LCOR: variants seen among roughly 807,000 people sequenced by gnomAD.
LCOR encodes ligand dependent nuclear receptor corepressor.
A neutral mutation model predicts 64.4 loss-of-function variants in LCOR; 14 were observed. The observed-to-expected ratio is 0.22, with a 90% CI of 0.14 to 0.34. The LOEUF (loss-of-function observed/expected upper bound fraction) is 0.34. Ranked by LOEUF, LCOR falls within the 10% of genes least tolerant of loss-of-function variation. The pLI is 1.00. For missense variants in LCOR, 1,686 were observed against 1,765.3 expected (o/e 0.96, Z 0.80); for synonymous variants, 643 against 642.5 (o/e 1.00, Z -0.01).
intron 4 of LCOR, among the ~76,000 whole-genome samples, chr10:96,942,141 G>T (rs1847498287): frequency 6.9e-6 from 1 of 144,402 alleles, no homozygotes; most frequent in Non-Finnish European, 1.5e-5. Flanking sequence ...TTGCACTCCA[G>T]CCTGGGCACC....
chr10:96,906,657 CT>C (rs149442985), intron 2 of LCOR, among the ~76,000 whole-genome samples: 3 of 151,668 alleles, frequency 2.0e-5, no homozygotes, highest in Non-Finnish European at 4.4e-5. Flanking sequence ...ATTTTTTTCT[CT>C]TTTTTTTGTA....
intron 4 of LCOR, among the ~76,000 whole-genome samples, chr10:96,939,928 G>A (rs1306661762): frequency 7.9e-5 from 12 of 152,170 alleles, no homozygotes; most frequent in Non-Finnish European, 1.2e-4. Flanking sequence ...ATGCCACTGC[G>A]CTCCAGCCTA....
At chr10:96,893,003 C>G (rs1355396046) in intron 2 of LCOR, among the ~76,000 whole-genome samples, 2 of 152,102 alleles carry the variant, frequency 1.3e-5, no homozygotes, top group Admixed American at 1.3e-4. Context: ...TTTGTTCAAG[C>G]CCTCCATGAC....
intron 2 of LCOR, among the ~76,000 whole-genome samples, chr10:96,864,626 A>G (rs1845940819): frequency 6.6e-6 from 1 of 152,238 alleles, no homozygotes; most frequent in African/African-American, 2.4e-5. Flanking sequence ...ATGTATGGTC[A>G]TGCACCTCAT....
intron 4 of LCOR, among the ~76,000 whole-genome samples, chr10:96,927,893 G>A (rs965606300): frequency 2.6e-5 from 4 of 152,162 alleles, no homozygotes; most frequent in African/African-American, 7.2e-5. Context: ...TGGTTTCCCA[G>A]TGCATATAAA....
At chr10:96,888,883 G>A (rs557471771) in intron 2 of LCOR, among the ~76,000 whole-genome samples, 3 of 152,272 alleles carry the variant, frequency 2.0e-5, no homozygotes, top group African/African-American at 7.2e-5. Context: ...ATGTTTTTTA[G>A]AGAATGTCAT....
chr10:96,965,943 A>G (rs890111666), intron 7 of LCOR, among the ~76,000 whole-genome samples: 1 of 152,080 alleles, frequency 6.6e-6, no homozygotes, highest in Non-Finnish European at 1.5e-5. Context: ...TTAGCATCTC[A>G]TAAATGAATT....
In LCOR at chr10:96,984,747, C is replaced by G. The variant is rs780473637; in HGVS notation, c.4287C>G (p.Thr1429=). 6.2e-7 allele frequency: 1 copy of G among 1,613,666 alleles called. No homozygotes were observed. Among genetic ancestry groups the G allele is most frequent in the Non-Finnish European group, 8.5e-7 (1 of 1,179,918 alleles). The change falls in exon 8 of 8, where the codon ACC becomes ACG. Residue 1429 remains threonine (T), a synonymous_variant. Transcript: ENST00000421806. ...AAGAAAAGCATGCTGATGGAGCCAC[C>G]AAAACCCCTGCTGCCAAGAGGCCAG... ...ASKEKHADGA[T]KTPAAKRPAA... is the part of the protein sequence containing the mutation.
intron 4 of LCOR, among the ~76,000 whole-genome samples, chr10:96,921,465 A>T (rs547773836): frequency 7.2e-5 from 11 of 151,990 alleles, no homozygotes; most frequent in South Asian, 6.2e-4. Context: ...ATTTAATTTT[A>T]ATTTTTATTT....
rs751228929 is a variant in LCOR at position 96,984,445 on chromosome 10, A to T, written c.3985A>T (p.Asn1329Tyr). 2.5e-6 allele frequency: 4 copies of T among 1,614,102 alleles called. No homozygotes were observed. The South Asian group carries it at 4.4e-5, about 18-fold the overall frequency. ...KLRAQQRLIK[N>Y]EKMECPDALA... is the part of the protein sequence containing the mutation. Reference sequence around the variant, plus strand: ...CAGAGCCCAGCAACGTTTAATCAAGAATGAGAAAATGGAATGCCCAGATGC... The same window carrying T: ...CAGAGCCCAGCAACGTTTAATCAAGTATGAGAAAATGGAATGCCCAGATGC... The change falls in exon 8 of 8, where the codon AAT (asparagine) becomes TAT (tyrosine). Residue 1329 changes from asparagine (N) to tyrosine (Y), a missense_variant. Asn to Tyr is a moderately radical substitution (Grantham distance 143). Around this residue, in one of 3 missense-constraint regions of LCOR, gnomAD observed 1,293 missense variants for 1,410.4 expected, o/e 0.92. Transcript: ENST00000421806.
intron 7 of LCOR, among the ~76,000 whole-genome samples, chr10:96,965,003 A>AT (rs1166494621): frequency 7.9e-5 from 12 of 151,990 alleles, no homozygotes; most frequent in African/African-American, 2.7e-4. Flanking sequence ...GTTGCTCAAC[A>AT]TTTAAAAAAA....
chr10:96,851,135 G>A (rs1025062149), intron 2 of LCOR, among the ~76,000 whole-genome samples: 1 of 152,148 alleles, frequency 6.6e-6, no homozygotes, highest in African/African-American at 2.4e-5. Context: ...TTTCTGATTG[G>A]TTTCACAAGC....
intron 2 of LCOR, among the ~76,000 whole-genome samples, chr10:96,835,783 G>A (rs1272850398): frequency 6.6e-6 from 1 of 152,098 alleles, no homozygotes; most frequent in Non-Finnish European, 1.5e-5. Flanking sequence ...CTTTTTTGGA[G>A]GGTGTGGGGG....
chr10:96,915,478 G>A lies in LCOR; in HGVS notation c.-184+7731G>A, dbSNP rs1374520395. On this transcript the variant is annotated intron_variant, in intron 4 of 7. Coordinates refer to ENST00000421806, the MANE Select transcript of LCOR (RefSeq NM_001346516.2). ...GGAGGTTGCAGTCAGCCGAGATTGC[G>A]CCACTGCACTCCAGCCTGGGGAGAG... is the stretch of plus-strand genomic sequence containing the variant. Among the ~76,000 whole-genome samples the A allele has an allele frequency of 6.6e-5, 10 of 152,164 alleles. No homozygotes were observed. The East Asian group carries it at 9.6e-4, about 15-fold the overall frequency.
intron 2 of LCOR, among the ~76,000 whole-genome samples, chr10:96,887,391 G>A (rs529311229): frequency 9.2e-4 from 140 of 151,998 alleles, no homozygotes; most frequent in African/African-American, 3.2e-3. Context: ...GTGAAACCCC[G>A]TCTCTACTAA....
At chr10:96,845,799 G>T (rs1246734690) in intron 2 of LCOR, among the ~76,000 whole-genome samples, 7 of 151,792 alleles carry the variant, frequency 4.6e-5, no homozygotes, top group Non-Finnish European at 1.0e-4. Context: ...GTAAAATACT[G>T]TAATTATGGG....
chr10:96,940,641 C>T (rs1365819854), intron 4 of LCOR, among the ~76,000 whole-genome samples: 1 of 108,656 alleles, frequency 9.2e-6, no homozygotes, highest in African/African-American at 3.6e-5. Flanking sequence ...GATAAGGTCA[C>T]AGATCAACAG....
At chr10:96,949,321 C>G (rs373150652) in intron 6 of LCOR, 26 bp downstream of exon 6, 16 of 1,606,306 alleles carry the variant, frequency 1.0e-5, no homozygotes, top group Non-Finnish European at 1.2e-5. Flanking sequence ...AAGGTCTCCT[C>G]TATCTTATCA....
chr10:96,935,124 C>T (rs1847325743), intron 4 of LCOR, among the ~76,000 whole-genome samples: 1 of 141,190 alleles, frequency 7.1e-6, no homozygotes, highest in African/African-American at 2.6e-5. Context: ...TTTTCCTTAT[C>T]TCCTGGCTAT....
Sources: gnomAD v4.1 joint callset for allele counts (sites outside exome capture counted in the v4.1 genomes callset) on GRCh38, gnomAD v4.1.1 for gene constraint, gnomAD v4.1.1 regional missense constraint, MANE v1.5 for transcripts, NCBI Gene and HGNC (gene_info 2026-07-23, HGNC 2026-07-21) for gene names.